The following OSBPL1A variants were observed in gnomAD, a reference collection of about 807,000 sequenced individuals.
The protein encoded by OSBPL1A is oxysterol-binding protein-related protein 1.
In OSBPL1A, 80 loss-of-function variants were observed where a neutral mutation model predicts 137.1. That is an observed-to-expected ratio of 0.58 (90% CI 0.49 to 0.70). The LOEUF (loss-of-function observed/expected upper bound fraction) is 0.70. Among genes scored for constraint, OSBPL1A ranks in the 30% least tolerant of loss-of-function variants. The pLI is 0.00. For missense variants in OSBPL1A, 970 were observed against 1,129.4 expected (o/e 0.86, Z 2.02); for synonymous variants, 365 against 389.7 (o/e 0.94, Z 0.75).
At chr18:24,305,184 C>A (rs1266825974) in intron 13 of OSBPL1A, among the ~76,000 whole-genome samples, 1 of 152,170 alleles carries the variant, frequency 6.6e-6, no homozygotes, top group East Asian at 1.9e-4. Flanking sequence ...GCAATGGCTT[C>A]AATTGCAGAC....
chr18:24,164,827 C>T (rs1878372073), intron 27 of OSBPL1A, among the ~76,000 whole-genome samples: 1 of 152,214 alleles, frequency 6.6e-6, no homozygotes, highest in Non-Finnish European at 1.5e-5. Context: ...ATACCTGCAT[C>T]CCCACGTTTA....
chr18:24,278,088 T>C (rs2089883902), intron 15 of OSBPL1A, among the ~76,000 whole-genome samples: 1 of 152,182 alleles, frequency 6.6e-6, no homozygotes. Flanking sequence ...GGAGAAAAGT[T>C]AGAGAAAGAC....
At chr18:24,167,532 C>A in intron 24 of OSBPL1A, 87 bp from the exon 25 acceptor site, 1 of 1,089,260 alleles carries the variant, frequency 9.2e-7, no homozygotes, top group Non-Finnish European at 1.4e-6. Context: ...CAGTCAACAA[C>A]AGACTGTAAA....
At chr18:24,382,457 G>A (rs1448335763) in intron 1 of OSBPL1A, among the ~76,000 whole-genome samples, 1 of 150,474 alleles carries the variant, frequency 6.6e-6, no homozygotes, top group Non-Finnish European at 1.5e-5. Flanking sequence ...TGAGCCTGTA[G>A]TCCCAGCCAT....
At chr18:24,192,892 C>T (rs2120663) in intron 18 of OSBPL1A, among the ~76,000 whole-genome samples, 28,073 of 151,936 alleles carry the variant, frequency 0.18, 2,867 homozygotes, top group Admixed American at 0.24. Flanking sequence ...TTAATTGTTA[C>T]GGAAAAAATG....
chr18:24,312,717 G>T (rs866147881), intron 12 of OSBPL1A, among the ~76,000 whole-genome samples: 4 of 152,172 alleles, frequency 2.6e-5, no homozygotes, highest in Non-Finnish European at 5.9e-5. Context: ...GGAGAGTCAT[G>T]AGTTAGATTG....
chr18:24,325,591 C>T (rs1321909283), intron 7 of OSBPL1A, among the ~76,000 whole-genome samples: 2 of 152,122 alleles, frequency 1.3e-5, no homozygotes, highest in Admixed American at 6.6e-5. Context: ...CTCTCTAGTC[C>T]CTTCATCCTA....
intron 15 of OSBPL1A, among the ~76,000 whole-genome samples, chr18:24,255,944 G>A (rs190304221): frequency 3.2e-4 from 48 of 152,084 alleles, no homozygotes; most frequent in Non-Finnish European, 4.4e-4. Flanking sequence ...ACAGGCGTGC[G>A]CCACCACACC....
intron 2 of OSBPL1A, among the ~76,000 whole-genome samples, chr18:24,372,109 T>C (rs1228787028): frequency 6.6e-6 from 1 of 151,448 alleles, no homozygotes; most frequent in African/African-American, 2.4e-5. Context: ...ACCCTATTTC[T>C]ACAAAAAATA....
intron 15 of OSBPL1A, 22 bp downstream of exon 15, chr18:24,280,820 A>G (rs1490613939): frequency 6.7e-7 from 1 of 1,486,814 alleles, no homozygotes; most frequent in East Asian, 2.4e-5. Context: ...TTATTTTACA[A>G]ATTCAATTCT....
chr18:24,332,413 A>G lies in OSBPL1A; in HGVS notation c.625+529T>C, dbSNP rs975116091. ...AAAAAAAAAAAAAAAAAAAAAAAAA[A>G]AAGGCCCCTAGCATTGTGCTGAAGT... On this transcript the variant is annotated intron_variant, in intron 7 of 27. Transcript: ENST00000319481. 8.9e-5 allele frequency among the ~76,000 whole-genome samples: 13 copies of G among 145,884 alleles called. No homozygotes were observed. In the East Asian group the frequency reaches 1.9e-3, roughly 22 times the overall value.
At position 24,261,419 on chromosome 18, in the gene OSBPL1A, T is replaced by TTGA. The variant is rs1432847402; in HGVS notation, c.1281+19422_1281+19423insTCA. 4.6e-5 allele frequency among the ~76,000 whole-genome samples: 7 copies of TTGA among 152,176 alleles called. No individual in the cohort carries two copies. The South Asian group carries it at 6.2e-4, about 13-fold the overall frequency. Reference sequence around the variant, plus strand: ...ATACGTGGAGTTTATTGTACATCAATTATACGTCAATAAAGCTATAAAAAT... The same window carrying TTGA: ...ATACGTGGAGTTTATTGTACATCAATTGATATACGTCAATAAAGCTATAAAAAT... On this transcript the variant is annotated intron_variant, in intron 15 of 27. Coordinates refer to ENST00000319481, the MANE Select transcript of OSBPL1A (RefSeq NM_080597.4).
Position 24,163,726 on chromosome 18 carries a change from A to G in OSBPL1A, c.2751-445T>C, listed in dbSNP as rs138388901. Among the ~76,000 whole-genome samples, 377 of 151,394 alleles carry G rather than the reference A, an allele frequency of 2.5e-3. 1 individual carries two copies. Among genetic ancestry groups the G allele is most frequent in the Non-Finnish European group, 4.0e-3 (275 of 67,910 alleles). ...ACCTGGTTCAGTGTAAATGCCCTTCAAACTCCTTTTTTTTTTTTTCTTTGA... is the reference window on the plus strand; with the variant it reads ...ACCTGGTTCAGTGTAAATGCCCTTCGAACTCCTTTTTTTTTTTTTCTTTGA... On this transcript the variant is annotated intron_variant, in intron 27 of 27. Coordinates refer to ENST00000319481, the MANE Select transcript of OSBPL1A (RefSeq NM_080597.4).
At chr18:24,319,875 T>G (rs2090811817) in intron 7 of OSBPL1A, among the ~76,000 whole-genome samples, 1 of 151,484 alleles carries the variant, frequency 6.6e-6, no homozygotes, top group Non-Finnish European at 1.5e-5. Context: ...CCAGGCGCAG[T>G]GGCTCACAAC....
At chr18:24,302,923 T>G (rs1004563414) in intron 14 of OSBPL1A, among the ~76,000 whole-genome samples, 1 of 152,226 alleles carries the variant, frequency 6.6e-6, no homozygotes, top group Admixed American at 6.5e-5. Flanking sequence ...AAAAGTGTTG[T>G]TCGAAGTAAC....
intron 14 of OSBPL1A, among the ~76,000 whole-genome samples, chr18:24,286,944 A>G (rs1431828216): frequency 1.3e-5 from 2 of 152,246 alleles, no homozygotes; most frequent in East Asian, 1.9e-4. Flanking sequence ...AACAATTACT[A>G]TTGAAAGAAT....
intron 4 of OSBPL1A, among the ~76,000 whole-genome samples, chr18:24,351,528 TTTTGTTTGTTTGTTTG>T (rs146795519): frequency 6.6e-6 from 1 of 150,938 alleles, no homozygotes; most frequent in Admixed American, 6.6e-5. Flanking sequence ...TGCAATTGTT[TTTTGTTTGTTTGTTTG>T]TTTGTTTGTT....
intron 18 of OSBPL1A, among the ~76,000 whole-genome samples, chr18:24,185,835 C>T (rs1419601550): frequency 6.6e-6 from 1 of 152,108 alleles, no homozygotes; most frequent in East Asian, 1.9e-4. Flanking sequence ...ACTTTGGGGA[C>T]CAAGGCACGA....
intron 18 of OSBPL1A, among the ~76,000 whole-genome samples, chr18:24,188,974 C>T (rs533515551): frequency 2.6e-5 from 4 of 152,184 alleles, no homozygotes; most frequent in Non-Finnish European, 5.9e-5. Flanking sequence ...CAACAATTCA[C>T]ATTATGAAGA....
Sources: gnomAD v4.1 joint callset for allele counts (sites outside exome capture counted in the v4.1 genomes callset) on GRCh38, gnomAD v4.1.1 for gene constraint, MANE v1.5 for transcripts, NCBI Gene and HGNC (gene_info 2026-07-23, HGNC 2026-07-21) for gene names.